PTPRN2: variants seen among roughly 807,000 people sequenced by gnomAD.
PTPRN2 encodes the protein receptor-type tyrosine-protein phosphatase N2.
PTPRN2 carries 74 observed loss-of-function variants against 118.8 expected under a neutral mutation model. The observed-to-expected ratio is 0.62, with a 90% CI of 0.52 to 0.76. The LOEUF (loss-of-function observed/expected upper bound fraction) is 0.76. Among genes scored for constraint, PTPRN2 ranks in the 30% least tolerant of loss-of-function variants. PTPRN2 has a pLI of 0.00. For synonymous variants in PTPRN2, 641 were observed against 608.0 expected, an observed-to-expected ratio of 1.05 and a Z score of -0.80; for missense variants, 1,481 against 1,394.4, an observed-to-expected ratio of 1.06 and a Z score of -0.99.
intron 12 of PTPRN2, among the ~76,000 whole-genome samples, chr7:157,728,659 A>G (rs1186749525): frequency 6.6e-6 from 1 of 152,168 alleles, no homozygotes; most frequent in Non-Finnish European, 1.5e-5. Context: ...GGGCCTCAAA[A>G]CCTGCCTGTC....
intron 12 of PTPRN2, among the ~76,000 whole-genome samples, chr7:157,809,699 A>C (rs1805860477): frequency 6.6e-6 from 1 of 152,144 alleles, no homozygotes; most frequent in Non-Finnish European, 1.5e-5. Flanking sequence ...CATTGCCAGG[A>C]GCCACAGAGA....
At chr7:157,999,049 C>T (rs1372579258) in intron 11 of PTPRN2, among the ~76,000 whole-genome samples, 4 of 151,914 alleles carry the variant, frequency 2.6e-5, no homozygotes, top group Non-Finnish European at 4.4e-5. Flanking sequence ...CCTGGCTGTT[C>T]CTCCGAGCGG....
intron 2 of PTPRN2, among the ~76,000 whole-genome samples, chr7:158,474,935 G>A (rs548636467): frequency 1.1e-4 from 17 of 152,332 alleles, no homozygotes; most frequent in Admixed American, 3.3e-4. Flanking sequence ...GCTGAAAACA[G>A]GGCAATGATG....
In PTPRN2 at chr7:157,610,076, C is replaced by T. The variant is rs1479739405; in HGVS notation, c.2345-6001G>A. On this transcript the variant is annotated intron_variant, in intron 15 of 22. Coordinates refer to ENST00000389418, the MANE Select transcript of PTPRN2 (RefSeq NM_002847.5). This position sits in a 1 kb window ranked among gnomAD's most constrained non-coding sequence, Gnocchi z 5.1. ...CAGATCCCTGAGGACGGCATTCCCC[C>T]AGGCCTCCTGGCTTGCTGTCCACAC... 1.3e-5 allele frequency among the ~76,000 whole-genome samples: 2 copies of T among 152,230 alleles called. No homozygotes were observed. Among genetic ancestry groups the T allele is most frequent in the East Asian group, 1.9e-4 (1 of 5,194 alleles).
At chr7:158,290,042 G>C (rs1800014756) in intron 3 of PTPRN2, among the ~76,000 whole-genome samples, 1 of 152,176 alleles carries the variant, frequency 6.6e-6, no homozygotes, top group Non-Finnish European at 1.5e-5. Context: ...TGCTAGGGTA[G>C]GCCATATACC....
intron 2 of PTPRN2, among the ~76,000 whole-genome samples, chr7:158,383,244 C>T (rs763339786): frequency 6.6e-6 from 1 of 152,136 alleles, no homozygotes; most frequent in Non-Finnish European, 1.5e-5. Context: ...ATTTTTGTAA[C>T]TCATTCAAAA....
chr7:158,557,405 C>T (rs1827114666), intron 1 of PTPRN2, among the ~76,000 whole-genome samples: 1 of 152,174 alleles, frequency 6.6e-6, no homozygotes, highest in Admixed American at 6.5e-5. Flanking sequence ...CCGCGCAGGT[C>T]AGGCAGCTCC....
At chr7:157,592,186 T>C (rs2150557155) in intron 17 of PTPRN2, among the ~76,000 whole-genome samples, 1 of 152,342 alleles carries the variant, frequency 6.6e-6, no homozygotes, top group Middle Eastern at 3.4e-3. Context: ...TGCTCCTTGA[T>C]TATCACTCTA....
rs1217451917 is a variant in PTPRN2 at position 157,785,687 on chromosome 7, A to G, written c.1789-102750T>C. The stretch of plus-strand genomic sequence containing the variant: ...CCGTGGGCACAGCACACCAAGGGGG[A>G]GCCTGCTCAGAGATGGGCATGGGGC... On this transcript the variant is annotated intron_variant, in intron 12 of 22. Transcript: ENST00000389418. This position sits in a 1 kb window ranked among gnomAD's most constrained non-coding sequence, Gnocchi z 7.3. Among the ~76,000 whole-genome samples the G allele has an allele frequency of 6.6e-6, 1 of 151,998 alleles. No individual in the cohort carries two copies.
At chr7:157,662,867 T>C (rs1795961664) in intron 13 of PTPRN2, among the ~76,000 whole-genome samples, 1 of 152,138 alleles carries the variant, frequency 6.6e-6, no homozygotes, top group Non-Finnish European at 1.5e-5. Flanking sequence ...TTGCCGACCG[T>C]GTGCTTCTTG....
chr7:157,916,617 C>G (rs1287632693), intron 11 of PTPRN2, among the ~76,000 whole-genome samples: 1 of 152,246 alleles, frequency 6.6e-6, no homozygotes. Flanking sequence ...CACGCAGCTC[C>G]TTGCTCCAGC....
chr7:158,071,781 G>GGTGGTGGAGGTTCTCA (rs1563393481), intron 11 of PTPRN2, among the ~76,000 whole-genome samples: 1 of 121,854 alleles, frequency 8.2e-6, no homozygotes, highest in African/African-American at 3.6e-5. Flanking sequence ...GGAGGTGCTT[G>GGTGGTGGAGGTTCTCA]TGGTGGTGGA....
intron 2 of PTPRN2, among the ~76,000 whole-genome samples, chr7:158,479,611 C>A (rs144933532): frequency 1.3e-5 from 2 of 152,150 alleles, no homozygotes; most frequent in South Asian, 4.2e-4. Flanking sequence ...TGGGAGGCTG[C>A]GGAAAAGCAC....
At chr7:157,914,811 C>T (rs1440877490) in intron 11 of PTPRN2, among the ~76,000 whole-genome samples, 1 of 151,914 alleles carries the variant, frequency 6.6e-6, no homozygotes, top group African/African-American at 2.4e-5. Context: ...TCCTACTCTG[C>T]CCTCTATGGC....
At chr7:157,918,835 C>T (rs370863840) in intron 11 of PTPRN2, among the ~76,000 whole-genome samples, 4 of 152,184 alleles carry the variant, frequency 2.6e-5, no homozygotes, top group South Asian at 2.1e-4. Flanking sequence ...AGATGCCACT[C>T]GCAGCCTGAG....
At chr7:157,707,171 C>T (rs548397864) in intron 12 of PTPRN2, among the ~76,000 whole-genome samples, 4 of 135,404 alleles carry the variant, frequency 3.0e-5, no homozygotes, top group African/African-American at 1.2e-4. Context: ...ACACATACCA[C>T]AAACACACAC....
chr7:157,892,524 C>T (rs1796867914), intron 12 of PTPRN2, among the ~76,000 whole-genome samples: 1 of 152,060 alleles, frequency 6.6e-6, no homozygotes, highest in South Asian at 2.1e-4. Context: ...GGTTTTAATT[C>T]CACTATCTGT....
At chr7:157,614,093 A>C (rs775688668) in intron 15 of PTPRN2, 1 of 470,410 alleles carries the variant, frequency 2.1e-6, no homozygotes, top group African/African-American at 2.0e-5. Context: ...ACAGGGAACC[A>C]TGAAAGAGGT....
chr7:157,990,317 G>C lies in PTPRN2; in HGVS notation c.1723+90981C>G, dbSNP rs1273582232. On this transcript the variant is annotated intron_variant, in intron 11 of 22. Transcript: ENST00000389418. The surrounding 1 kb of genome is among the most constrained non-coding windows in gnomAD (Gnocchi z 4.3). ...GCTTCCCAAGCAGGCGAGTGACCTG[G>C]AGCACAGAGGGGAGGGACGGGGACA... is the stretch of plus-strand genomic sequence containing the variant. Among the ~76,000 whole-genome samples the C allele has an allele frequency of 6.6e-6, 1 of 152,098 alleles. No homozygotes were observed. The highest frequency in any genetic ancestry group is 1.5e-5 in the Non-Finnish European group (1 of 68,024).
Sources: gnomAD v4.1 joint callset for allele counts (sites outside exome capture counted in the v4.1 genomes callset) on GRCh38, gnomAD v4.1.1 for gene constraint, Gnocchi (gnomAD v3.1) non-coding constraint, MANE v1.5 for transcripts, NCBI Gene and HGNC (gene_info 2026-07-23, HGNC 2026-07-21) for gene names.